TLCD4: variants seen among roughly 807,000 people sequenced by gnomAD.
The protein encoded by TLCD4 is TLC domain-containing protein 4.
A neutral mutation model predicts 24.2 loss-of-function variants in TLCD4; 7 were observed. That is an observed-to-expected ratio of 0.29 (90% confidence interval 0.16 to 0.54). The LOEUF (loss-of-function observed/expected upper bound fraction) is 0.54, where lower values mean the gene tolerates loss of function less well. TLCD4 is among the 20% of genes least tolerant of loss of function. TLCD4 has a pLI of 0.95. For missense variants in TLCD4, 259 were observed against 313.9 expected (o/e 0.82, Z 1.32); for synonymous variants, 103 against 106.4 (o/e 0.97, Z 0.20).
intron 1 of TLCD4, among the ~76,000 whole-genome samples, chr1:95,120,815 A>G (rs11803021): frequency 0.088 from 13,425 of 152,232 alleles, 858 homozygotes; most frequent in East Asian, 0.2. Context: ...TTCTATTTCT[A>G]TTGAATTTCT....
At chr1:95,099,053 CAAAAAAAAA>C in the TLCD4 span, among the ~76,000 whole-genome samples, 3 of 70,656 alleles carry the variant, frequency 4.2e-5, no homozygotes, top group South Asian at 1.2e-3. Flanking sequence ...AACTCTGTCT[CAAAAAAAAA>C]AAAAAAAAAA....
At chr1:95,100,267 G>A in the TLCD4 span, among the ~76,000 whole-genome samples, 1 of 151,578 alleles carries the variant, frequency 6.6e-6, no homozygotes, top group African/African-American at 2.4e-5. Flanking sequence ...AAAAATTTAT[G>A]TTTCAATAGA....
intron 5 of TLCD4, among the ~76,000 whole-genome samples, chr1:95,166,951 C>T (rs1678034949): frequency 6.6e-6 from 1 of 151,870 alleles, no homozygotes; most frequent in African/African-American, 2.4e-5. Context: ...ACCAGGCTGG[C>T]CCAGAATTCC....
intron 1 of TLCD4, among the ~76,000 whole-genome samples, chr1:95,136,079 A>G (rs1192714977): frequency 6.6e-6 from 1 of 151,832 alleles, no homozygotes; most frequent in Non-Finnish European, 1.5e-5. Flanking sequence ...CTTGTTCCCA[A>G]GCTAACATTA....
chr1:95,109,230 G>C, the TLCD4 span, among the ~76,000 whole-genome samples: 1 of 152,112 alleles, frequency 6.6e-6, no homozygotes, highest in Non-Finnish European at 1.5e-5. Flanking sequence ...AGGAGGCTGA[G>C]GTGGGAAGAC....
In TLCD4 at chr1:95,167,627, C is replaced by T. The variant is rs146163122; in HGVS notation, c.400-6189C>T. ...GTAATCTAAGCCCAGGGCATAAAAC[C>T]GCTCGTGGCTTGGATAGAATCCAAG... On this transcript the variant is annotated intron_variant, in intron 5 of 6. Coordinates refer to ENST00000370203, the MANE Select transcript of TLCD4 (RefSeq NM_152487.3). Among the ~76,000 whole-genome samples, 10 of 152,188 alleles carry T rather than the reference C, an allele frequency of 6.6e-5. No individual in the cohort carries two copies. The East Asian group carries it at 1.6e-3, about 24-fold the overall frequency.
chr1:95,110,839 C>T, the TLCD4 span, among the ~76,000 whole-genome samples: 4 of 125,964 alleles, frequency 3.2e-5, no homozygotes, highest in African/African-American at 1.2e-4. Context: ...CTGGGCAACA[C>T]GGCAAGATTC....
intron 5 of TLCD4, 135 bp downstream of exon 5, chr1:95,151,554 TG>T: frequency 1.0e-6 from 1 of 980,204 alleles, no homozygotes; most frequent in Non-Finnish European, 1.5e-6. Context: ...ATTGCTTTTG[TG>T]GTATGCTATC....
intron 3 of TLCD4, among the ~76,000 whole-genome samples, chr1:95,149,709 A>G (rs1677440888): frequency 6.6e-6 from 1 of 152,186 alleles, no homozygotes; most frequent in Admixed American, 6.5e-5. Flanking sequence ...CGTGACCATC[A>G]GCAAAATAAA....
intron 6 of TLCD4, among the ~76,000 whole-genome samples, chr1:95,186,153 T>C (rs1325564801): frequency 2.0e-5 from 3 of 152,218 alleles, no homozygotes; most frequent in African/African-American, 7.2e-5. Flanking sequence ...TTACTCTGTG[T>C]CATGGCAGCT....
At chr1:95,093,719 G>GT in the TLCD4 span, among the ~76,000 whole-genome samples, 1 of 152,114 alleles carries the variant, frequency 6.6e-6, no homozygotes, top group East Asian at 1.9e-4. Context: ...TCCGAAATTC[G>GT]TATGTCCAAC....
chr1:95,176,347 A>G (rs10783000), intron 6 of TLCD4, among the ~76,000 whole-genome samples: 149,095 of 151,938 alleles, frequency 0.98, 73,209 homozygotes, highest in East Asian at 1. Flanking sequence ...ATACACCACC[A>G]TGCCCAGCTA....
chr1:95,158,661 C>A (rs1677699245), intron 5 of TLCD4, among the ~76,000 whole-genome samples: 1 of 130,352 alleles, frequency 7.7e-6, no homozygotes, highest in Non-Finnish European at 1.6e-5. Context: ...GTCCCCCCTC[C>A]CCCCACCCCA....
the TLCD4 span, among the ~76,000 whole-genome samples, chr1:95,109,987 A>C: frequency 7.5e-6 from 1 of 133,434 alleles, no homozygotes; most frequent in Non-Finnish European, 1.6e-5. Flanking sequence ...TTGGTAAATT[A>C]ATTTTTTTCC....
At chr1:95,115,492 G>T (rs1192242454), upstream of TLCD4, among the ~76,000 whole-genome samples, 1 of 152,126 alleles carries the variant, frequency 6.6e-6, no homozygotes, top group African/African-American at 2.4e-5. Flanking sequence ...ACCTCCTAAG[G>T]TCACTGAGTT....
intron 5 of TLCD4, among the ~76,000 whole-genome samples, chr1:95,157,126 T>C (rs985851992): frequency 2.6e-5 from 4 of 152,150 alleles, no homozygotes; most frequent in African/African-American, 9.7e-5. Context: ...CTGTTTTAGG[T>C]AATTCATTTT....
At chr1:95,165,874 T>G (rs1312559189) in intron 5 of TLCD4, among the ~76,000 whole-genome samples, 4 of 152,206 alleles carry the variant, frequency 2.6e-5, no homozygotes, top group African/African-American at 9.7e-5. Context: ...TTCTGTTGTT[T>G]GTTTTATTTT....
chr1:95,105,289 T>A, the TLCD4 span, among the ~76,000 whole-genome samples: 7 of 152,236 alleles, frequency 4.6e-5, no homozygotes, highest in Admixed American at 3.3e-4. Context: ...AGTCAGGGAC[T>A]ATCTGCATAA....
chr1:95,094,837 T>C, the TLCD4 span, among the ~76,000 whole-genome samples: 1 of 152,238 alleles, frequency 6.6e-6, no homozygotes, highest in Non-Finnish European at 1.5e-5. Flanking sequence ...AAAACATACT[T>C]ACTCCCTTAT....
Sources: gnomAD v4.1 joint callset for allele counts (sites outside exome capture counted in the v4.1 genomes callset) on GRCh38, gnomAD v4.1.1 for gene constraint, MANE v1.5 for transcripts, NCBI Gene and HGNC (gene_info 2026-07-23, HGNC 2026-07-21) for gene names.